The following TERB2 variants were observed in gnomAD, a reference collection of about 807,000 sequenced individuals.
TERB2 encodes the protein telomere repeats-binding bouquet formation protein 2.
A neutral mutation model predicts 29.8 loss-of-function variants in TERB2; 26 were observed. The observed-to-expected ratio is 0.87, with a 90% CI of 0.64 to 1.21. The LOEUF (loss-of-function observed/expected upper bound fraction) is 1.21, where lower values mean the gene tolerates loss of function less well. Ranked by LOEUF, TERB2 falls within the 50% of genes most tolerant of loss-of-function variation. The pLI, the probability that TERB2 is intolerant of heterozygous loss-of-function variation, is 0.00. For synonymous variants in TERB2, 80 were observed against 90.8 expected (o/e 0.88, Z 0.68); for missense variants, 240 against 268.6 (o/e 0.89, Z 0.74).
Position 44,956,767 on chromosome 15 carries a change from C to T in TERB2, c.49C>T (p.Leu17=). 6.2e-7 allele frequency: 1 copy of T among 1,613,870 alleles called. No homozygotes were observed. The highest frequency in any genetic ancestry group is 8.5e-7 in the Non-Finnish European group (1 of 1,179,894). ...GWFCGSVSQD[L]RQFWVAEGGT... is the part of the protein sequence containing the mutation. ...GTTTTGCGGCAGCGTTAGCCAGGATCTGAGGCAATTCTGGGGTAGGAAGCT... is the reference window on the plus strand; with the variant it reads ...GTTTTGCGGCAGCGTTAGCCAGGATTTGAGGCAATTCTGGGGTAGGAAGCT... Residue 17 remains leucine (L), a synonymous_variant, in exon 1 of 7, where the codon CTG becomes TTG. Transcript: ENST00000340827.
chr15:44,961,579 G>C lies in TERB2; in HGVS notation c.343G>C (p.Glu115Gln). 1 of 1,587,092 alleles carries C rather than the reference G, an allele frequency of 6.3e-7. No individual in the cohort carries two copies. ...GGAACAAGACCAACATTTTCTGATA[G>C]AAAAGGTAAGAGTAAATTAAGGTAC... Reference protein sequence around the residue: ...IWEQDQHFLIEKHDEVTPNEI... With the variant: ...IWEQDQHFLIQKHDEVTPNEI... Residue 115 changes from glutamate to glutamine, a missense_variant, in exon 4 of 7, where the codon GAA becomes CAA. Coordinates refer to ENST00000340827, the MANE Select transcript of TERB2 (RefSeq NM_152448.3).
intron 6 of TERB2, among the ~76,000 whole-genome samples, chr15:44,978,084 C>A (rs949632593): frequency 3.3e-5 from 5 of 152,120 alleles, no homozygotes; most frequent in African/African-American, 1.2e-4. Context: ...AAAGTGTTGC[C>A]TGCTGGAACA....
intron 4 of TERB2, among the ~76,000 whole-genome samples, chr15:44,965,393 GCTTT>G (rs1310146100): frequency 1.4e-5 from 2 of 144,238 alleles, no homozygotes; most frequent in African/African-American, 5.1e-5. Context: ...AATTTGTTCA[GCTTT>G]CTTTATATTT....
intron 4 of TERB2, among the ~76,000 whole-genome samples, 199 bp from the exon 5 acceptor site, chr15:44,965,959 A>G (rs1440274746): frequency 6.6e-6 from 1 of 152,102 alleles, no homozygotes; most frequent in Non-Finnish European, 1.5e-5. Flanking sequence ...CCAAAAATAT[A>G]TAGTATAATT....
intron 3 of TERB2, among the ~76,000 whole-genome samples, chr15:44,959,184 T>C (rs1460211620): frequency 2.6e-5 from 4 of 152,214 alleles, no homozygotes; most frequent in Non-Finnish European, 4.4e-5. Flanking sequence ...AATAAACCCA[T>C]GTATCTGTAT....
chr15:44,972,913 C>T (rs1891992238), intron 5 of TERB2, among the ~76,000 whole-genome samples: 1 of 147,134 alleles, frequency 6.8e-6, no homozygotes, highest in African/African-American at 2.5e-5. Flanking sequence ...GGTGGAGTCT[C>T]GTTCTGTTGC....
intron 4 of TERB2, among the ~76,000 whole-genome samples, chr15:44,962,048 C>T (rs113870066): frequency 1.5e-4 from 23 of 151,666 alleles, no homozygotes; most frequent in African/African-American, 5.1e-4. Context: ...TTACTTGGTT[C>T]GACATTGTTT....
rs144070519 is a variant in TERB2 at position 44,957,109 on chromosome 15, A to G, written c.146+132A>G. ...GACACCTATAATCCCAGCTACTGGG[A>G]AGACTGAAGCAGGAGAATCGCTTGA... is the stretch of plus-strand genomic sequence containing the variant. On this transcript the variant is annotated intron_variant, in intron 2 of 6. Coordinates refer to ENST00000340827, the MANE Select transcript of TERB2 (RefSeq NM_152448.3). The G allele has an allele frequency of 9.3e-5, 91 of 976,740 alleles. No individual in the cohort carries two copies. In the Admixed American group the frequency reaches 1.9e-3, roughly 21 times the overall value. 60.5% of individuals were successfully genotyped at this position (976,740 alleles called of 1,614,324 possible). A position where few individuals can be genotyped will look rare whatever the true frequency, so the allele number is the denominator to read the frequency against.
rs1341184121 is a variant in TERB2, at chr15:44,978,634, T to C, written c.*6T>C. The C allele has an allele frequency of 1.3e-6, 2 of 1,580,564 alleles. No individual in the cohort carries two copies. Among genetic ancestry groups the C allele is most frequent in the African/African-American group, 2.7e-5 (2 of 73,496 alleles). On this transcript the variant is annotated 3_prime_UTR_variant, in exon 7 of 7. Transcript: ENST00000340827. ...ACAAATTGAAGAGGAAATAGTAAAT[T>C]AAATTGTAAATACCTTGGCATTTAT...
chr15:44,958,384 G>T lies in TERB2; in HGVS notation c.158G>T (p.Ser53Ile). ...SHPDTLRIYQSLDYIEDNATV... is the reference protein window; with the variant it reads ...SHPDTLRIYQILDYIEDNATV... ...TTTCTTTCTCCTAGAATATATCAGA[G>T]CCTTGATTACATAGAAGATAATGCT... Residue 53 changes from serine (S) to isoleucine (I), a missense_variant, in exon 3 of 7, where the codon AGC becomes ATC. Ser to Ile is a moderately radical substitution (Grantham distance 142). Transcript: ENST00000340827. 1 of 1,611,698 alleles carries T rather than the reference G, an allele frequency of 6.2e-7. No homozygotes were observed. Among genetic ancestry groups the T allele is most frequent in the Non-Finnish European group, 8.5e-7 (1 of 1,179,450 alleles).
chr15:44,961,171 G>C (rs1330667218), intron 3 of TERB2, among the ~76,000 whole-genome samples: 1 of 147,870 alleles, frequency 6.8e-6, no homozygotes, highest in Non-Finnish European at 1.5e-5. Context: ...AGATAGAAGA[G>C]TGGATGAACA....
intron 5 of TERB2, among the ~76,000 whole-genome samples, chr15:44,966,831 C>G (rs1891897395): frequency 1.3e-5 from 2 of 152,190 alleles, no homozygotes; most frequent in Non-Finnish European, 2.9e-5. Flanking sequence ...GGGCATTGTG[C>G]CGCATGCTTG....
chr15:44,957,553 T>G lies in TERB2; in HGVS notation c.146+576T>G, dbSNP rs190076168. 5.3e-5 allele frequency among the ~76,000 whole-genome samples: 8 copies of G among 152,270 alleles called. No homozygotes were observed. The East Asian group carries it at 1.5e-3, about 29-fold the overall frequency. Reference sequence around the variant, plus strand: ...CTCCAAAACTTTGAATAACTTTGAATAACAACCCTACGCCATGAATCAGTC... The same window carrying G: ...CTCCAAAACTTTGAATAACTTTGAAGAACAACCCTACGCCATGAATCAGTC... On this transcript the variant is annotated intron_variant, in intron 2 of 6. Coordinates refer to ENST00000340827, the MANE Select transcript of TERB2 (RefSeq NM_152448.3).
At position 44,978,493 on chromosome 15, in the gene TERB2, T is replaced by A. The variant is rs1439783260; in HGVS notation, c.528T>A (p.Tyr176Ter). 3.7e-6 allele frequency: 6 copies of A among 1,600,284 alleles called. No homozygotes were observed. In the Admixed American group the frequency reaches 6.9e-5, roughly 18 times the overall value. Reference protein sequence around the residue: ...NYPVNNMVTGYISIDAMKKFL... With the variant: ...NYPVNNMVTG ...TTTTTAAATTTTATTTTGTAGGTTA[T>A]ATATCAATTGATGCCATGAAGAAAT... The change falls in exon 7 of 7, where the codon TAT becomes TAA. Residue 176 changes from tyrosine to a stop codon, truncating the protein, a stop_gained. Transcript: ENST00000340827. LOFTEE classifies it high-confidence loss of function.
At chr15:44,975,527 TC>T (rs992820211) in intron 6 of TERB2, among the ~76,000 whole-genome samples, 18 of 152,298 alleles carry the variant, frequency 1.2e-4, no homozygotes, top group African/African-American at 4.3e-4. Flanking sequence ...TTAATTGTGG[TC>T]TTTAGTTATA....
At chr15:44,968,536 G>C (rs1255782093) in intron 5 of TERB2, among the ~76,000 whole-genome samples, 1 of 140,012 alleles carries the variant, frequency 7.1e-6, no homozygotes. Flanking sequence ...AATCTTATTT[G>C]ATATTATGAT....
At chr15:44,965,892 C>T (rs966789755) in intron 4 of TERB2, among the ~76,000 whole-genome samples, 6 of 151,728 alleles carry the variant, frequency 4.0e-5, no homozygotes, top group Non-Finnish European at 5.9e-5. Context: ...TAAAGTTTTA[C>T]TTATCTGACA....
At chr15:44,964,171 A>G (rs756088970) in intron 4 of TERB2, among the ~76,000 whole-genome samples, 10 of 152,142 alleles carry the variant, frequency 6.6e-5, no homozygotes, top group Non-Finnish European at 1.0e-4. Context: ...AGTTAGGGAG[A>G]AAATCTTTCA....
chr15:44,969,083 C>G (rs1321594055), intron 5 of TERB2, among the ~76,000 whole-genome samples: 1 of 151,994 alleles, frequency 6.6e-6, no homozygotes, highest in Non-Finnish European at 1.5e-5. Flanking sequence ...AGATGTGGGC[C>G]ACCACGCCTG....
Sources: allele counts gnomAD v4.1 joint callset (sites outside exome capture counted in the v4.1 genomes callset), GRCh38; gene constraint gnomAD v4.1.1; transcripts MANE v1.5; gene names NCBI Gene and HGNC (gene_info 2026-07-23, HGNC 2026-07-21).